The following MSI2 variants were observed in gnomAD, a reference collection of about 807,000 sequenced individuals.
MSI2 encodes the protein musashi RNA binding protein 2.
MSI2 carries 17 observed loss-of-function variants against 45.6 expected under a neutral mutation model. That is an observed-to-expected ratio of 0.37 (90% confidence interval 0.26 to 0.56). The LOEUF is 0.56. Among genes scored for constraint, MSI2 ranks in the 20% least tolerant of loss-of-function variants. The pLI, the probability that MSI2 is intolerant of heterozygous loss-of-function variation, is 0.77. For missense variants in MSI2, 293 were observed against 444.2 expected, an observed-to-expected ratio of 0.66 and a Z score of 3.06; for synonymous variants, 156 against 158.2, an observed-to-expected ratio of 0.99 and a Z score of 0.11.
At chr17:57,371,637 G>T (rs8081665) in intron 5 of MSI2, among the ~76,000 whole-genome samples, 103,943 of 151,728 alleles carry the variant, frequency 0.69, 35,728 homozygotes, top group East Asian at 0.76. Flanking sequence ...TTATGTTGTG[G>T]TTTTTATTGT....
At chr17:57,288,861 A>G (rs1191834250) in intron 5 of MSI2, among the ~76,000 whole-genome samples, 1 of 151,922 alleles carries the variant, frequency 6.6e-6, no homozygotes, top group Non-Finnish European at 1.5e-5. Context: ...ATTGGAGTGC[A>G]TTGTATCTGT....
At chr17:57,500,790 C>CAA (rs58479533) in intron 6 of MSI2, among the ~76,000 whole-genome samples, 71 of 107,120 alleles carry the variant, frequency 6.6e-4, no homozygotes, top group African/African-American at 2.3e-3. Context: ...CTGTCTCTAC[C>CAA]AAAAAAAAAA....
chr17:57,441,334 T>G (rs951474539), intron 6 of MSI2, among the ~76,000 whole-genome samples: 3 of 152,162 alleles, frequency 2.0e-5, no homozygotes, highest in Non-Finnish European at 4.4e-5. Context: ...GGTCCACCCC[T>G]CTTGCCTCTC....
intron 6 of MSI2, among the ~76,000 whole-genome samples, chr17:57,488,470 T>A (rs1179567709): frequency 6.6e-6 from 1 of 152,200 alleles, no homozygotes; most frequent in East Asian, 1.9e-4. Context: ...CCCTTAGTTT[T>A]GGAGGTCCAG....
chr17:57,569,275 T>C (rs1415977821), intron 7 of MSI2, among the ~76,000 whole-genome samples: 1 of 152,212 alleles, frequency 6.6e-6, no homozygotes, highest in African/African-American at 2.4e-5. Flanking sequence ...TGGAAACTGG[T>C]AGCTTCAAAT....
intron 6 of MSI2, among the ~76,000 whole-genome samples, chr17:57,415,471 G>A (rs1292428191): frequency 6.6e-6 from 1 of 152,254 alleles, no homozygotes; most frequent in East Asian, 1.9e-4. Context: ...TTTGCTGTTA[G>A]CATTGTGACC....
At chr17:57,369,964 C>CAGAATAA (rs1364045774) in intron 5 of MSI2, among the ~76,000 whole-genome samples, 4 of 152,156 alleles carry the variant, frequency 2.6e-5, no homozygotes, top group Admixed American at 2.0e-4. Context: ...GAATAGAAGA[C>CAGAATAA]AGAATAAAGG....
At chr17:57,286,086 CTTT>C (rs1672178199) in intron 5 of MSI2, 3 of 1,026,542 alleles carry the variant, frequency 2.9e-6, no homozygotes, top group East Asian at 2.8e-5. Flanking sequence ...CTTCTTTCTT[CTTT>C]ATTTTTTCTT....
rs1157035775 is a variant in MSI2 at position 57,401,651 on chromosome 17, T to C, written c.405+180T>C. Reference sequence around the variant, plus strand: ...CTGAGATGGAAGAGTCTGGCTTGCATTTGGTGTGATGTCCCACGTGCTGGC... The same window carrying C: ...CTGAGATGGAAGAGTCTGGCTTGCACTTGGTGTGATGTCCCACGTGCTGGC... On this transcript the variant is annotated intron_variant, in intron 6 of 13. Transcript: ENST00000284073. Among the ~76,000 whole-genome samples the C allele has an allele frequency of 4.6e-5, 7 of 152,112 alleles. No individual in the cohort carries two copies. The South Asian group carries it at 1.5e-3, about 32-fold the overall frequency.
At chr17:57,363,092 C>A (rs1916932915) in intron 5 of MSI2, among the ~76,000 whole-genome samples, 1 of 152,130 alleles carries the variant, frequency 6.6e-6, no homozygotes, top group Non-Finnish European at 1.5e-5. Context: ...TCACAATAGC[C>A]AAAAGGTGGA....
At chr17:57,381,766 A>G (rs1397826615) in intron 5 of MSI2, among the ~76,000 whole-genome samples, 1 of 152,214 alleles carries the variant, frequency 6.6e-6, no homozygotes, top group Non-Finnish European at 1.5e-5. Context: ...TTCTGTGTGC[A>G]TCTTGCTTAT....
chr17:57,548,540 C>T (rs983599446), intron 7 of MSI2, among the ~76,000 whole-genome samples: 2 of 152,110 alleles, frequency 1.3e-5, no homozygotes, highest in Non-Finnish European at 2.9e-5. Flanking sequence ...GGCTCCGGGC[C>T]TCTAGGGAGC....
chr17:57,504,837 A>G (rs1272732728), intron 6 of MSI2, among the ~76,000 whole-genome samples: 1 of 151,834 alleles, frequency 6.6e-6, no homozygotes, highest in Non-Finnish European at 1.5e-5. Flanking sequence ...AAGCTGAGGC[A>G]GGAGAGTTGC....
intron 6 of MSI2, among the ~76,000 whole-genome samples, chr17:57,488,306 CT>C: frequency 6.6e-6 from 1 of 152,218 alleles, no homozygotes; most frequent in Admixed American, 6.5e-5. Flanking sequence ...TCTGCGGAAG[CT>C]TGCTTGAATA....
At chr17:57,325,932 T>A (rs1913751769) in intron 5 of MSI2, among the ~76,000 whole-genome samples, 1 of 152,224 alleles carries the variant, frequency 6.6e-6, no homozygotes, top group Non-Finnish European at 1.5e-5. Flanking sequence ...TGACCTGTTG[T>A]GTTTCCTGAA....
chr17:57,365,444 G>C (rs963659835), intron 5 of MSI2, among the ~76,000 whole-genome samples: 6 of 152,176 alleles, frequency 3.9e-5, no homozygotes, highest in Non-Finnish European at 5.9e-5. Context: ...TCCTGCCTGC[G>C]TGGAGCTCAC....
At chr17:57,584,849 T>G (rs2088302876) in intron 7 of MSI2, among the ~76,000 whole-genome samples, 1 of 151,312 alleles carries the variant, frequency 6.6e-6, no homozygotes, top group Non-Finnish European at 1.5e-5. Context: ...TGAGTTGGGG[T>G]CTCGCTCTGT....
intron 6 of MSI2, among the ~76,000 whole-genome samples, chr17:57,465,106 A>G (rs1738477985): frequency 6.6e-6 from 1 of 152,202 alleles, no homozygotes; most frequent in South Asian, 2.1e-4. Flanking sequence ...TGATATTATT[A>G]TCCTTTTCAT....
At chr17:57,581,775 T>C (rs972896127) in intron 7 of MSI2, among the ~76,000 whole-genome samples, 3 of 152,222 alleles carry the variant, frequency 2.0e-5, no homozygotes, top group African/African-American at 7.2e-5. Flanking sequence ...TGTGAATGTA[T>C]TAATCCTACT....
Sources: gnomAD v4.1 joint callset for allele counts (sites outside exome capture counted in the v4.1 genomes callset) on GRCh38, gnomAD v4.1.1 for gene constraint, MANE v1.5 for transcripts, NCBI Gene and HGNC (gene_info 2026-07-23, HGNC 2026-07-21) for gene names.